ACAN: variants seen among roughly 807,000 people sequenced by gnomAD.
ACAN encodes aggrecan core protein.
ACAN carries 47 observed loss-of-function variants against 169.1 expected under a neutral mutation model. The observed-to-expected ratio is 0.28, with a 90% confidence interval of 0.22 to 0.35. The LOEUF (loss-of-function observed/expected upper bound fraction) is 0.35. ACAN is among the 10% of genes least tolerant of loss of function. The probability of loss-of-function intolerance (pLI) is 1.00; values close to 1 mark genes in which losing one functional copy is unlikely to be tolerated. For synonymous variants in ACAN, 1,115 were observed against 1,112.2 expected (o/e 1.00, Z -0.05); for missense variants, 2,716 against 2,759.9 (o/e 0.98, Z 0.36).
At position 88,861,733 on chromosome 15, in the gene ACAN, T is replaced by C. The variant is rs1897197749; in HGVS notation, c.6946+1294T>C. Among the ~76,000 whole-genome samples, 1 of 152,076 alleles carries C rather than the reference T, an allele frequency of 6.6e-6. No homozygotes were observed. Among genetic ancestry groups the C allele is most frequent in the Non-Finnish European group, 1.5e-5 (1 of 67,998 alleles). On this transcript the variant is annotated intron_variant, in intron 13 of 18. Transcript: ENST00000560601. This position sits in a 1 kb window ranked among gnomAD's most constrained non-coding sequence, Gnocchi z 6.3. ...CCCACCATCACTCACCCCTGATGGG[T>C]GACTCCACTCTTGGGAAATCCTTCT...
In ACAN at chr15:88,872,436, C is replaced by T. The variant is rs556555817; in HGVS notation, c.7302+351C>T. On this transcript the variant is annotated intron_variant, in intron 16 of 18. Transcript: ENST00000560601. The surrounding 1 kb of genome is among the most constrained non-coding windows in gnomAD (Gnocchi z 5.4). ...CAACATAGATGCCAAGTGAATGGTA[C>T]GGGCACCCAGTGATTCTCTTTGTCC... 5.9e-5 allele frequency among the ~76,000 whole-genome samples: 9 copies of T among 152,202 alleles called. No individual in the cohort carries two copies. The South Asian group carries it at 1.2e-3, about 21-fold the overall frequency.
Position 88,851,983 on chromosome 15 carries a change from A to G in ACAN, c.2216A>G (p.Gln739Arg). Residue 739 changes from glutamine (Q) to arginine (R), a missense_variant, in exon 11 of 19, where the codon CAG becomes CGG. By Grantham distance (43) the Gln-to-Arg change is conservative. Transcript: ENST00000560601. The surrounding 1 kb of genome is among the most constrained non-coding windows in gnomAD (Gnocchi z 4.3). ...GAGTTCACCACCGAGCCAGAAAACC[A>G]GACAGAATGGGAACCAGCCTATACC... ...ILEFTTEPEN[Q>R]TEWEPAYTPV... The G allele has an allele frequency of 1.2e-6, 2 of 1,611,948 alleles. No homozygotes were observed. Among genetic ancestry groups the G allele is most frequent in the Non-Finnish European group, 1.7e-6 (2 of 1,179,088 alleles).
At chr15:88,825,137 G>C (rs1442499857) in intron 1 of ACAN, among the ~76,000 whole-genome samples, 1 of 152,194 alleles carries the variant, frequency 6.6e-6, no homozygotes, top group African/African-American at 2.4e-5. Context: ...ATAGTGATCT[G>C]AGCAGGAGCA....
chr15:88,820,418 C>T (rs761178571), intron 1 of ACAN, among the ~76,000 whole-genome samples: 1 of 152,178 alleles, frequency 6.6e-6, no homozygotes, highest in South Asian at 2.1e-4. Flanking sequence ...TTCCTTGAAA[C>T]CCTGAGAGCC....
Position 88,855,396 on chromosome 15 carries a change from G to T in ACAN, c.2811G>T (p.Leu937=). 1 of 1,613,750 alleles carries T rather than the reference G, an allele frequency of 6.2e-7. No individual in the cohort carries two copies. The highest frequency in any genetic ancestry group is 8.5e-7 in the Non-Finnish European group (1 of 1,179,822). ...EWPSTPTVGE[L]PSGAEILEGS... is the part of the protein sequence containing the mutation. ...CCAGCACTCCTACGGTTGGTGAACT[G>T]CCCTCTGGAGCTGAGATCCTAGAGG... Residue 937 remains leucine, a synonymous_variant, in exon 12 of 19, where the codon CTG becomes CTT. Coordinates refer to ENST00000560601, the MANE Select transcript of ACAN (RefSeq NM_001369268.1).
At chr15:88,836,410 C>A (rs1226936601) in intron 2 of ACAN, 134 bp downstream of exon 2, 9 of 797,748 alleles carry the variant, frequency 1.1e-5, no homozygotes, top group Non-Finnish European at 1.7e-5. Flanking sequence ...TGGCCCCACC[C>A]TTCCCCTGTT....
chr15:88,855,585 T>G lies in ACAN; in HGVS notation c.3000T>G (p.Val1000=). The G allele has an allele frequency of 4.9e-6, 3 of 608,942 alleles. No individual in the cohort carries two copies. The highest frequency in any genetic ancestry group is 4.0e-5 in the South Asian group (2 of 50,482). The allele number at this position is 608,942 out of a possible 1,614,324, so 37.7% of individuals were successfully genotyped here. A position where few individuals can be genotyped will look rare whatever the true frequency, so the allele number is the denominator to read the frequency against. The part of the protein sequence containing the change: ...EDISGLPSGE[V]LETTAPGVED... The stretch of plus-strand genomic sequence containing the variant: ...TCAGCGGGCTTCCTTCTGGAGAAGT[T>G]CTAGAGACCACTGCCCCTGGAGTAG... Residue 1000 remains valine, a synonymous_variant, in exon 12 of 19, where the codon GTT becomes GTG. Transcript: ENST00000560601.
Position 88,851,385 on chromosome 15 carries a change from TC to T in ACAN, c.2027-408del. The stretch of plus-strand genomic sequence containing the variant: ...GGAGTCTGGTACCAGATGCTTAAAT[TC>T]AAAGACTAGATCTGACATTTGTAAG... On this transcript the variant is annotated intron_variant, in intron 10 of 18. Coordinates refer to ENST00000560601, the MANE Select transcript of ACAN (RefSeq NM_001369268.1). The surrounding 1 kb of genome is among the most constrained non-coding windows in gnomAD (Gnocchi z 4.3). The T allele has an allele frequency of 6.1e-6, 1 of 164,084 alleles. No homozygotes were observed. Among genetic ancestry groups the T allele is most frequent in the Non-Finnish European group, 1.3e-5 (1 of 75,666 alleles). 10.2% of individuals were successfully genotyped at this position (164,084 alleles called of 1,614,324 possible).
At position 88,851,424 on chromosome 15, in the gene ACAN, G is replaced by T; in HGVS notation, c.2027-370G>T. On this transcript the variant is annotated intron_variant, in intron 10 of 18. Transcript: ENST00000560601. This position sits in a 1 kb window ranked among gnomAD's most constrained non-coding sequence, Gnocchi z 4.3. ...TGACATTTGTAAGCCATTGACTCTG[G>T]GCAAATCATGTAACTCTGTGCCTCA... 5.2e-6 allele frequency: 1 copy of T among 191,760 alleles called. No homozygotes were observed. The highest frequency in any genetic ancestry group is 5.5e-5 in the Admixed American group (1 of 18,090). 11.9% of individuals were successfully genotyped at this position (191,760 alleles called of 1,614,324 possible). A position where few individuals can be genotyped will look rare whatever the true frequency, so the allele number is the denominator to read the frequency against.
At position 88,859,395 on chromosome 15, in the gene ACAN, T is replaced by TGAATCA. The variant is rs1370248154; in HGVS notation, c.6817_6822dup (p.Glu2273_Ser2274dup). 3.2e-6 allele frequency: 5 copies of TGAATCA among 1,561,226 alleles called. No individual in the cohort carries two copies. The African/African-American group carries it at 6.8e-5, about 21-fold the overall frequency. Reference sequence around the variant, plus strand: ...TCCCAGCTTCTCCGGAATGGAAACGTGAATCAGAATCAACTGCTGCAGGTA... The same window carrying TGAATCA: ...TCCCAGCTTCTCCGGAATGGAAACGTGAATCAGAATCAGAATCAACTGCTGCAGGTA... On this transcript the variant is annotated inframe_insertion, in exon 12 of 19. Coordinates refer to ENST00000560601, the MANE Select transcript of ACAN (RefSeq NM_001369268.1).
At position 88,857,258 on chromosome 15, in the gene ACAN, C is replaced by G; in HGVS notation, c.4673C>G (p.Ser1558Cys). Reference sequence around the variant, plus strand: ...TCTGGAGGAGAAGGTCTAGAGACCTCTGCTTCTGAAGTAGGGACTGACCTC... The same window carrying G: ...TCTGGAGGAGAAGGTCTAGAGACCTGTGCTTCTGAAGTAGGGACTGACCTC... ...LPSGGEGLET[S>C]ASEVGTDLSG... The change falls in exon 12 of 19, where the codon TCT becomes TGT. Residue 1558 changes from serine (S) to cysteine (C), a missense_variant. Ser to Cys is a moderately radical substitution (Grantham distance 112, BLOSUM62 -1). Around this residue, in one of 3 missense-constraint regions of ACAN, gnomAD observed 1,389 missense variants for 1,363.7 expected, o/e 1.02. Coordinates refer to ENST00000560601, the MANE Select transcript of ACAN (RefSeq NM_001369268.1). The G allele has an allele frequency of 6.2e-7, 1 of 1,613,872 alleles. No individual in the cohort carries two copies. The highest frequency in any genetic ancestry group is 8.5e-7 in the Non-Finnish European group (1 of 1,179,868).
chr15:88,860,545 G>A (rs1188515119), intron 13 of ACAN, 106 bp downstream of exon 13: 8 of 857,746 alleles, frequency 9.3e-6, no homozygotes, highest in Non-Finnish European at 1.3e-5. Flanking sequence ...GTCCACTGAG[G>A]CTCAGGCTGG....
chr15:88,849,489 T>C lies in ACAN; in HGVS notation c.1784T>C (p.Leu595Pro), dbSNP rs1296237665. ...RLEQFTFQEA[L>P]EFCESHNATL... ...GAGCAGTTCACCTTCCAGGAAGCAC[T>C]GGAGTTCTGTGAATCTCACAATGCT... The change falls in exon 10 of 19, where the codon CTG becomes CCG. Residue 595 changes from leucine (L) to proline (P), a missense_variant. Transcript: ENST00000560601. The surrounding 1 kb of genome is among the most constrained non-coding windows in gnomAD (Gnocchi z 5.1). 5.6e-6 allele frequency: 9 copies of C among 1,607,354 alleles called. No homozygotes were observed. Among genetic ancestry groups the C allele is most frequent in the African/African-American group, 1.3e-5 (1 of 74,800 alleles).
chr15:88,855,269 C>T lies in ACAN; in HGVS notation c.2684C>T (p.Pro895Leu), dbSNP rs1459414684. 2.5e-6 allele frequency: 4 copies of T among 1,610,164 alleles called. No homozygotes were observed. In the South Asian group the frequency reaches 4.4e-5, roughly 18 times the overall value. Residue 895 changes from proline (P) to leucine (L), a missense_variant, in exon 12 of 19, where the codon CCC becomes CTC. By Grantham distance (98) the Pro-to-Leu change is moderately conservative. This residue lies in a region of ACAN where 1,283 missense variants were observed against 1,281.5 expected (regional missense o/e 1.00). Coordinates refer to ENST00000560601, the MANE Select transcript of ACAN (RefSeq NM_001369268.1). Reference sequence around the variant, plus strand: ...TCAGGGGACAGGGCAAGTGGACTGCCCTCTGGAGACCTGGACTCCAGTGGT... The same window carrying T: ...TCAGGGGACAGGGCAAGTGGACTGCTCTCTGGAGACCTGGACTCCAGTGGT... ...QLSGDRASGL[P>L]SGDLDSSGLT...
chr15:88,817,968 C>T (rs1895984181), intron 1 of ACAN, among the ~76,000 whole-genome samples: 1 of 151,892 alleles, frequency 6.6e-6, no homozygotes, highest in Non-Finnish European at 1.5e-5. Context: ...TCTTTCCTGT[C>T]TTTTTCCCAT....
rs1257957630 is a variant in ACAN at position 88,871,164 on chromosome 15, A to G, written c.7061-218A>G. ...GGAGGGCGTGGCATCAGGGAAGGAA[A>G]GGGCCCCTGGCATTTTCCCGAGTGG... On this transcript the variant is annotated intron_variant, in intron 14 of 18. Coordinates refer to ENST00000560601, the MANE Select transcript of ACAN (RefSeq NM_001369268.1). This position sits in a 1 kb window ranked among gnomAD's most constrained non-coding sequence, Gnocchi z 7.8. Among the ~76,000 whole-genome samples, 2 of 152,064 alleles carry G rather than the reference A, an allele frequency of 1.3e-5. No individual in the cohort carries two copies. The highest frequency in any genetic ancestry group is 1.9e-4 in the East Asian group (1 of 5,164).
intron 1 of ACAN, among the ~76,000 whole-genome samples, chr15:88,826,049 A>G (rs1184391593): frequency 6.6e-6 from 1 of 152,184 alleles, no homozygotes; most frequent in East Asian, 1.9e-4. Context: ...GCAACACAGG[A>G]AGCAGCAGGA....
chr15:88,847,984 G>T lies in ACAN; in HGVS notation c.1678G>T (p.Val560Leu). 6.2e-7 allele frequency: 1 copy of T among 1,614,020 alleles called. No homozygotes were observed. Among genetic ancestry groups the T allele is most frequent in the Non-Finnish European group, 8.5e-7 (1 of 1,179,872 alleles). Residue 560 changes from valine (V) to leucine (L), a missense_variant, in exon 9 of 19, where the codon GTG becomes TTG. By Grantham distance (32) the Val-to-Leu change is conservative. Around this residue, in one of 3 missense-constraint regions of ACAN, gnomAD observed 1,283 missense variants for 1,281.5 expected, o/e 1.00. Transcript: ENST00000560601. Reference sequence around the variant, plus strand: ...CAGCCCAGGGGTCAGGACCTATGGCGTGCGCCCATCAACAGAGACCTACGA... The same window carrying T: ...CAGCCCAGGGGTCAGGACCTATGGCTTGCGCCCATCAACAGAGACCTACGA... ...DSSPGVRTYGVRPSTETYDVY... is the reference protein window; with the variant it reads ...DSSPGVRTYGLRPSTETYDVY...
rs776186236 is a variant in ACAN, at chr15:88,855,181, G to A, written c.2596G>A (p.Val866Ile). The A allele has an allele frequency of 1.9e-5, 30 of 1,608,058 alleles. No homozygotes were observed. In the East Asian group the frequency reaches 2.2e-4, roughly 12 times the overall value. The stretch of plus-strand genomic sequence containing the variant: ...TGGGGAGGAATCTGGGGCCCCTGAT[G>A]TCAGTGGTGACTTCACAGGCAGTGG... ...SSGEESGAPD[V>I]SGDFTGSGDV... The change falls in exon 12 of 19, where the codon GTC becomes ATC. Residue 866 changes from valine to isoleucine, a missense_variant. Val to Ile is a conservative substitution (Grantham distance 29, BLOSUM62 3). Around this residue, in one of 3 missense-constraint regions of ACAN, gnomAD observed 1,283 missense variants for 1,281.5 expected, o/e 1.00. Transcript: ENST00000560601.
Sources: gnomAD v4.1 joint callset for allele counts (sites outside exome capture counted in the v4.1 genomes callset) on GRCh38, gnomAD v4.1.1 for gene constraint, gnomAD v4.1.1 regional missense constraint, Gnocchi (gnomAD v3.1) non-coding constraint, MANE v1.5 for transcripts, NCBI Gene and HGNC (gene_info 2026-07-23, HGNC 2026-07-21) for gene names.